The following LRRC4B variants were observed in gnomAD, a reference collection of about 807,000 sequenced individuals.
The protein encoded by LRRC4B is leucine-rich repeat-containing protein 4B.
A neutral mutation model predicts 7.3 loss-of-function variants in LRRC4B; 1 was observed. The observed-to-expected ratio is 0.14, with a 90% CI of 0.05 to 0.65. The LOEUF (loss-of-function observed/expected upper bound fraction) is 0.65. Among genes scored for constraint, LRRC4B ranks in the 30% least tolerant of loss-of-function variants. LRRC4B has a pLI of 0.84. For missense variants in LRRC4B, 730 were observed against 1,041.6 expected (o/e 0.70, Z 4.12); for synonymous variants, 500 against 499.2 (o/e 1.00, Z -0.02).
At chr19:50,541,385 GAA>G (rs1366929653) in intron 2 of LRRC4B, among the ~76,000 whole-genome samples, 1 of 93,806 alleles carries the variant, frequency 1.1e-5, no homozygotes, top group African/African-American at 3.9e-5. Flanking sequence ...AAAAAAAAAA[GAA>G]AAAGAAAAAG....
chr19:50,547,221 G>A (rs1321202039), intron 2 of LRRC4B, among the ~76,000 whole-genome samples: 1 of 152,082 alleles, frequency 6.6e-6, no homozygotes, highest in Non-Finnish European at 1.5e-5. Flanking sequence ...TGGACAGAGG[G>A]ACAAGGCCCT....
At position 50,555,994 on chromosome 19, in the gene LRRC4B, T is replaced by G. The variant is rs909605682; in HGVS notation, c.-35-7121A>C. 1.3e-5 allele frequency: 2 copies of G among 151,928 alleles called. No individual in the cohort carries two copies. The highest frequency in any genetic ancestry group is 2.9e-5 in the Non-Finnish European group (2 of 68,046). The allele number at this position is 151,928 out of a possible 1,614,324, so 9.4% of individuals were successfully genotyped here. A position where few individuals can be genotyped will look rare whatever the true frequency, so the allele number is the denominator to read the frequency against. The stretch of plus-strand genomic sequence containing the variant: ...GCCGGTCCTATGGGAGAGACCCGGG[T>G]TCTGGGGGAGGGGACAGGCAGCGCT... On this transcript the variant is annotated intron_variant, in intron 1 of 2. Transcript: ENST00000652263. This position sits in a 1 kb window ranked among gnomAD's most constrained non-coding sequence, Gnocchi z 5.2.
chr19:50,542,571 G>A (rs1240399727), intron 2 of LRRC4B, among the ~76,000 whole-genome samples: 4 of 151,446 alleles, frequency 2.6e-5, no homozygotes, highest in Admixed American at 2.6e-4. Flanking sequence ...CCACCTCCTG[G>A]GTTCAAGCTA....
At chr19:50,549,267 A>C (rs1263291169) in intron 1 of LRRC4B, among the ~76,000 whole-genome samples, 1 of 152,202 alleles carries the variant, frequency 6.6e-6, no homozygotes, top group African/African-American at 2.4e-5. Context: ...ACAGACAGAC[A>C]GACAGACAAG....
In LRRC4B at chr19:50,517,440, C is replaced by G. The variant is rs1005934907; in HGVS notation, c.*131G>C. On this transcript the variant is annotated 3_prime_UTR_variant, in exon 3 of 3. Transcript: ENST00000652263. This position sits in a 1 kb window ranked among gnomAD's most constrained non-coding sequence, Gnocchi z 6.6. The stretch of plus-strand genomic sequence containing the variant: ...AGCCCCAGATGGGGCTGGAAGCCAC[C>G]TCTCCCCAATTCCCTGCGTGGTCCC... The G allele has an allele frequency of 1.2e-6, 1 of 824,612 alleles. No homozygotes were observed. The highest frequency in any genetic ancestry group is 1.8e-5 in the African/African-American group (1 of 56,300). The allele number at this position is 824,612 out of a possible 1,614,324, so 51.1% of individuals were successfully genotyped here.
At chr19:50,520,203 C>A (rs1374233753) in intron 2 of LRRC4B, among the ~76,000 whole-genome samples, 1 of 9,380 alleles carries the variant, frequency 1.1e-4, no homozygotes, top group Non-Finnish European at 1.9e-4. Flanking sequence ...AATACCCTGT[C>A]AAAAAAAAAA....
chr19:50,517,343 A>C lies in LRRC4B; in HGVS notation c.*228T>G. 1.1e-5 allele frequency: 4 copies of C among 368,236 alleles called. No homozygotes were observed. The highest frequency in any genetic ancestry group is 3.9e-5 in the East Asian group (1 of 25,370). 22.8% of individuals were successfully genotyped at this position (368,236 alleles called of 1,614,324 possible). A position where few individuals can be genotyped will look rare whatever the true frequency, so the allele number is the denominator to read the frequency against. ...CCCACGTCCCCTCCCGTCACCGGGG[A>C]TTGGCGGGGGTGAGGCGAGGATCCC... On this transcript the variant is annotated 3_prime_UTR_variant, in exon 3 of 3. Transcript: ENST00000652263. This position sits in a 1 kb window ranked among gnomAD's most constrained non-coding sequence, Gnocchi z 6.6.
chr19:50,536,467 C>CA, intron 2 of LRRC4B, among the ~76,000 whole-genome samples: 1 of 152,308 alleles, frequency 6.6e-6, no homozygotes, highest in East Asian at 1.9e-4. Context: ...CCTCTTTCTG[C>CA]ACGCAGTGTC....
At chr19:50,542,316 G>A (rs940334070) in intron 2 of LRRC4B, among the ~76,000 whole-genome samples, 7 of 152,234 alleles carry the variant, frequency 4.6e-5, no homozygotes, top group Non-Finnish European at 7.4e-5. Context: ...ATCTGCACCC[G>A]GTCTTCTCCC....
At chr19:50,526,590 C>A (rs1193303665) in intron 2 of LRRC4B, among the ~76,000 whole-genome samples, 2 of 152,192 alleles carry the variant, frequency 1.3e-5, no homozygotes, top group Non-Finnish European at 2.9e-5. Context: ...CGCCTGTAAT[C>A]CCAGCACTTT....
In LRRC4B at chr19:50,517,814, G is replaced by A. The variant is rs1022706246; in HGVS notation, c.1899C>T (p.Ala633=). ...ELPAASAVSV[A]AAAAVASGGG... is the part of the protein sequence containing the mutation. ...CCCCACTGGCCACGGCGGCCGCGGC[G>A]GCCACGGACACGGCCGAGGCGGCGG... is the stretch of plus-strand genomic sequence containing the variant. Residue 633 remains alanine (A), a synonymous_variant, in exon 3 of 3, where the codon GCC becomes GCT. Transcript: ENST00000652263. The surrounding 1 kb of genome is among the most constrained non-coding windows in gnomAD (Gnocchi z 6.6). 3 of 1,556,838 alleles carry A rather than the reference G, an allele frequency of 1.9e-6. No homozygotes were observed. Among genetic ancestry groups the A allele is most frequent in the Non-Finnish European group, 1.7e-6 (2 of 1,157,422 alleles).
In LRRC4B at chr19:50,548,666, G is replaced by C. The variant is rs1981919259; in HGVS notation, c.173C>G (p.Pro58Arg). ...CTGGTTGCTGCAGGAGCAGGCCACG[G>C]GGCAGGAGGTGGCCGGCGGGGAGCC... ...GGGSPPATSC[P>R]VACSCSNQAS... Residue 58 changes from proline (P) to arginine (R), a missense_variant, in exon 2 of 3, where the codon CCC becomes CGC. Pro to Arg is a moderately radical substitution (Grantham distance 103, BLOSUM62 -2). This residue lies in a region of LRRC4B where 143 missense variants were observed against 158.4 expected (regional missense o/e 0.90). Coordinates refer to ENST00000652263, the MANE Select transcript of LRRC4B (RefSeq NM_001080457.2). The surrounding 1 kb of genome is among the most constrained non-coding windows in gnomAD (Gnocchi z 6.8). 6.4e-7 allele frequency: 1 copy of C among 1,564,986 alleles called. No individual in the cohort carries two copies. Among genetic ancestry groups the C allele is most frequent in the South Asian group, 1.2e-5 (1 of 85,924 alleles).
At chr19:50,542,538 G>A (rs8103707) in intron 2 of LRRC4B, among the ~76,000 whole-genome samples, 96,688 of 147,712 alleles carry the variant, frequency 0.65, 33,085 homozygotes, top group African/African-American at 0.84. Context: ...GTGCATTGGT[G>A]TGATCTCAGC....
At chr19:50,529,401 T>G (rs1481430081) in intron 2 of LRRC4B, among the ~76,000 whole-genome samples, 3 of 152,144 alleles carry the variant, frequency 2.0e-5, no homozygotes, top group Non-Finnish European at 2.9e-5. Flanking sequence ...AAGCAGGCAC[T>G]CGGTTGCTAT....
intron 1 of LRRC4B, among the ~76,000 whole-genome samples, chr19:50,557,136 AAGAGTGAAC>A (rs1982305154): frequency 6.6e-6 from 1 of 152,076 alleles, no homozygotes; most frequent in Non-Finnish European, 1.5e-5. Flanking sequence ...AGAGAAGGGA[AAGAGTGAAC>A]AGATAAAGCA....
intron 1 of LRRC4B, among the ~76,000 whole-genome samples, chr19:50,552,619 T>TCCGC (rs1568733847): frequency 1.8e-4 from 21 of 114,264 alleles, no homozygotes; most frequent in African/African-American, 5.5e-4. Flanking sequence ...CATCCATCCA[T>TCCGC]CCATCCATTC....
rs750493069 is a variant in LRRC4B at position 50,518,591 on chromosome 19, G to T, written c.1122C>A (p.Asn374Lys). 6.3e-7 allele frequency: 1 copy of T among 1,597,276 alleles called. No homozygotes were observed. The change falls in exon 3 of 3, where the codon AAC becomes AAA. Residue 374 changes from asparagine (N) to lysine (K), a missense_variant. Coordinates refer to ENST00000652263, the MANE Select transcript of LRRC4B (RefSeq NM_001080457.2). ...PVIVEPPTDL[N>K]VTEGMAAELK... ...GCTCGGCAGCCATGCCCTCGGTGAC[G>T]TTGAGGTCCGTGGGCGGCTCCACGA... is the stretch of plus-strand genomic sequence containing the variant.
chr19:50,526,119 A>G (rs1980798044), intron 2 of LRRC4B, among the ~76,000 whole-genome samples: 1 of 152,118 alleles, frequency 6.6e-6, no homozygotes, highest in Admixed American at 6.6e-5. Context: ...CAGTCCCAGC[A>G]TAAGACTCTC....
At chr19:50,554,538 C>T (rs1215015609) in intron 1 of LRRC4B, among the ~76,000 whole-genome samples, 1 of 152,214 alleles carries the variant, frequency 6.6e-6, no homozygotes, top group African/African-American at 2.4e-5. Context: ...TGAGAGGGCA[C>T]CTGGCCCCAG....
Sources: gnomAD v4.1 joint callset for allele counts (sites outside exome capture counted in the v4.1 genomes callset) on GRCh38, gnomAD v4.1.1 for gene constraint, gnomAD v4.1.1 regional missense constraint, Gnocchi (gnomAD v3.1) non-coding constraint, MANE v1.5 for transcripts, NCBI Gene and HGNC (gene_info 2026-07-23, HGNC 2026-07-21) for gene names.